The following PDE4D variants were observed in gnomAD, a reference collection of about 807,000 sequenced individuals.
PDE4D encodes phosphodiesterase 4D.
PDE4D carries 24 observed loss-of-function variants against 87.4 expected under a neutral mutation model. The ratio of observed to expected loss-of-function variants is 0.27; its 90% confidence interval spans 0.20 to 0.39. The LOEUF is 0.39. Ranked by LOEUF, PDE4D falls within the 10% of genes least tolerant of loss-of-function variation. PDE4D has a pLI of 1.00. For missense variants in PDE4D, 714 were observed against 1,041.0 expected, an observed-to-expected ratio of 0.69 and a Z score of 4.32; for synonymous variants, 384 against 383.2, an observed-to-expected ratio of 1.00 and a Z score of -0.02.
chr5:60,480,881 C>G (rs1748679478), intron 1 of PDE4D, among the ~76,000 whole-genome samples: 1 of 152,084 alleles, frequency 6.6e-6, no homozygotes, highest in East Asian at 1.9e-4. Context: ...AAAAAGATTG[C>G]TAGGATGTCA....
chr5:60,470,591 C>G (rs759474383), intron 1 of PDE4D, among the ~76,000 whole-genome samples: 6 of 152,082 alleles, frequency 3.9e-5, no homozygotes, highest in Non-Finnish European at 8.8e-5. Flanking sequence ...TGTTAAGGAC[C>G]AATACAGGTG....
intron 1 of PDE4D, among the ~76,000 whole-genome samples, chr5:59,327,691 G>C (rs905390355): frequency 6.6e-6 from 1 of 152,102 alleles, no homozygotes; most frequent in African/African-American, 2.4e-5. Context: ...TTTTACTGGG[G>C]TTCTTAACGT....
intron 1 of PDE4D, among the ~76,000 whole-genome samples, chr5:59,343,699 T>G (rs77591809): frequency 6.6e-6 from 1 of 152,342 alleles, no homozygotes; most frequent in Admixed American, 6.5e-5. Context: ...TGAAGAAATA[T>G]TTAGGCACAT....
At chr5:59,779,786 A>T (rs1764424401) in intron 1 of PDE4D, among the ~76,000 whole-genome samples, 1 of 152,252 alleles carries the variant, frequency 6.6e-6, no homozygotes, top group Admixed American at 6.5e-5. Context: ...TACAAAGAAC[A>T]TTCTTGCAAA....
At chr5:59,785,233 G>C (rs1429139382) in intron 1 of PDE4D, among the ~76,000 whole-genome samples, 1 of 152,132 alleles carries the variant, frequency 6.6e-6, no homozygotes, top group African/African-American at 2.4e-5. Flanking sequence ...AAGAATACAA[G>C]CATACCTGTG....
chr5:60,450,946 G>A (rs1746050995), intron 1 of PDE4D, among the ~76,000 whole-genome samples: 1 of 152,132 alleles, frequency 6.6e-6, no homozygotes, highest in Non-Finnish European at 1.5e-5. Flanking sequence ...ACATATAAAT[G>A]ACAAAGCAGA....
intron 3 of PDE4D, among the ~76,000 whole-genome samples, chr5:59,955,851 G>C (rs550846553): frequency 6.6e-6 from 1 of 152,010 alleles, no homozygotes; most frequent in Non-Finnish European, 1.5e-5. Flanking sequence ...AAGTAAGATC[G>C]ACATGTTCTT....
chr5:59,137,525 C>CTTTTTTT (rs61134818), intron 5 of PDE4D, among the ~76,000 whole-genome samples: 5 of 139,598 alleles, frequency 3.6e-5, no homozygotes, highest in Non-Finnish European at 4.7e-5. Context: ...GGGAAAGTTT[C>CTTTTTTT]TTTTTTTTTT....
chr5:59,872,262 T>TAC (rs71606610), intron 1 of PDE4D, among the ~76,000 whole-genome samples: 18,686 of 131,644 alleles, frequency 0.14, 1,237 homozygotes, highest in Admixed American at 0.18. Flanking sequence ...ACAGAAGAGT[T>TAC]ACACACACAC....
At position 59,678,992 on chromosome 5, in the gene PDE4D, T is replaced by A. The variant is rs146639818; in HGVS notation, c.455+214176A>T. 9.8e-4 allele frequency among the ~76,000 whole-genome samples: 149 copies of A among 152,328 alleles called. 2 individuals are homozygous for A. Among genetic ancestry groups the A allele is most frequent in the Non-Finnish European group, 3.1e-4 (21 of 68,024 alleles). ...TTTACCCCTTTCCTAGACTGAGCAT[T>A]ACCAATCTTTCTATTTCTAGTAAAT... On this transcript the variant is annotated intron_variant, in intron 1 of 14. Transcript: ENST00000340635.
intron 2 of PDE4D, among the ~76,000 whole-genome samples, chr5:60,071,282 A>C (rs1772689099): frequency 6.6e-6 from 1 of 151,862 alleles, no homozygotes; most frequent in South Asian, 2.1e-4. Context: ...GTAGTATTAA[A>C]TTGTTTAAGA....
At chr5:60,417,422 C>T (rs1015959633) in intron 1 of PDE4D, among the ~76,000 whole-genome samples, 12 of 152,200 alleles carry the variant, frequency 7.9e-5, no homozygotes, top group African/African-American at 2.7e-4. Context: ...TCACACAGTT[C>T]TAAGCCTAGA....
At chr5:59,939,126 G>A (rs1038866179) in intron 3 of PDE4D, among the ~76,000 whole-genome samples, 9 of 152,200 alleles carry the variant, frequency 5.9e-5, no homozygotes, top group African/African-American at 2.2e-4. Context: ...CTGTAATAAA[G>A]ATGAGGTAGG....
chr5:60,110,586 A>T (rs954430338), intron 2 of PDE4D, among the ~76,000 whole-genome samples: 36 of 152,222 alleles, frequency 2.4e-4, no homozygotes, highest in South Asian at 1.9e-3. Flanking sequence ...TATGGAAAAC[A>T]ATCTGGAAAT....
At chr5:60,260,160 T>C (rs1749499247) in intron 1 of PDE4D, among the ~76,000 whole-genome samples, 3 of 152,012 alleles carry the variant, frequency 2.0e-5, no homozygotes, top group Admixed American at 6.6e-5. Flanking sequence ...CCATTTTTCA[T>C]GTTATATCTG....
intron 1 of PDE4D, chr5:60,262,318 C>G (rs1043025573): frequency 6.6e-6 from 1 of 152,094 alleles, no homozygotes; most frequent in Non-Finnish European, 1.5e-5. Context: ...AAACATAAAT[C>G]AAAACATGAG....
chr5:59,275,288 G>A (rs779230788), intron 1 of PDE4D: 16 of 1,418,744 alleles, frequency 1.1e-5, no homozygotes, highest in South Asian at 2.4e-5. Context: ...CAAGGAGTAC[G>A]TCAATCTTAA....
At chr5:59,288,897 TGAGGGATGTCATC>T (rs1767482514) in intron 1 of PDE4D, among the ~76,000 whole-genome samples, 2 of 152,042 alleles carry the variant, frequency 1.3e-5, no homozygotes, top group Non-Finnish European at 2.9e-5. Flanking sequence ...AAACAAAAGC[TGAGGGATGTCATC>T]AACACCAGAC....
chr5:59,463,917 C>G (rs1411357826), intron 1 of PDE4D, among the ~76,000 whole-genome samples: 1 of 152,062 alleles, frequency 6.6e-6, no homozygotes, highest in Non-Finnish European at 1.5e-5. Flanking sequence ...GTGACCTTAC[C>G]CCCAACCCCG....
Sources: allele counts gnomAD v4.1 joint callset (sites outside exome capture counted in the v4.1 genomes callset), GRCh38; gene constraint gnomAD v4.1.1; transcripts MANE v1.5; gene names NCBI Gene and HGNC (gene_info 2026-07-23, HGNC 2026-07-21).